The following ABCA8 variants were observed in gnomAD, a reference collection of about 807,000 sequenced individuals.
The protein encoded by ABCA8 is ABC-type organic anion transporter ABCA8.
ABCA8 carries 177 observed loss-of-function variants against 192.3 expected under a neutral mutation model. The ratio of observed to expected loss-of-function variants is 0.92; its 90% CI spans 0.81 to 1.04. The LOEUF (loss-of-function observed/expected upper bound fraction) is 1.04, where lower values mean the gene tolerates loss of function less well. Ranked by LOEUF, ABCA8 falls within the 50% of genes least tolerant of loss-of-function variation. The probability of loss-of-function intolerance (pLI) is 0.00; values close to 1 mark genes in which losing one functional copy is unlikely to be tolerated. For synonymous variants in ABCA8, 642 were observed against 690.2 expected (o/e 0.93, Z 1.09); for missense variants, 1,915 against 1,904.8 (o/e 1.01, Z -0.10).
Position 68,919,236 on chromosome 17 carries a change from C to T in ABCA8, c.1788+65G>A, listed in dbSNP as rs997010684. 26 of 1,383,758 alleles carry T rather than the reference C, an allele frequency of 1.9e-5. No homozygotes were observed. In the African/African-American group the frequency reaches 3.5e-4, roughly 18 times the overall value. 85.7% of individuals were successfully genotyped at this position (1,383,758 alleles called of 1,614,324 possible). A position where few individuals can be genotyped will look rare whatever the true frequency, so the allele number is the denominator to read the frequency against. On this transcript the variant is annotated intron_variant, in intron 14 of 39. Coordinates refer to ENST00000586539, the MANE Select transcript of ABCA8 (RefSeq NM_001288985.2). ...GCGCACAAATAATTTAAAATTAAAA[C>T]TCAGTGCAAATGGTTTTAATAATCT...
chr17:68,940,622 G>A, intron 4 of ABCA8, 136 bp downstream of exon 4: 1 of 746,688 alleles, frequency 1.3e-6, no homozygotes, highest in South Asian at 1.8e-5. Context: ...TCCAATAAAG[G>A]GAAGACACAT....
At chr17:68,902,974 A>G in intron 20 of ABCA8, 95 bp from the exon 21 acceptor site, 2 of 1,115,956 alleles carry the variant, frequency 1.8e-6, no homozygotes, top group Non-Finnish European at 2.5e-6. Context: ...AAGAAATTAT[A>G]AAAATTAAAC....
intron 27 of ABCA8, 139 bp from the exon 28 acceptor site, chr17:68,884,535 G>C: frequency 7.4e-7 from 1 of 1,346,084 alleles, no homozygotes; most frequent in Non-Finnish European, 9.5e-7. Flanking sequence ...AAAGTGTATA[G>C]CAAGGGGCTG....
chr17:68,877,896 A>T, intron 32 of ABCA8: 1 of 440,352 alleles, frequency 2.3e-6, no homozygotes, highest in East Asian at 3.6e-5. Flanking sequence ...CTCAGCTGAA[A>T]AATCCAATAT....
chr17:68,929,904 G>T (rs920422691), intron 7 of ABCA8, among the ~76,000 whole-genome samples: 1 of 146,168 alleles, frequency 6.8e-6, no homozygotes. Context: ...ATATTCTTTG[G>T]GAATTAGGAA....
intron 21 of ABCA8, among the ~76,000 whole-genome samples, chr17:68,898,874 T>A (rs150407286): frequency 9.2e-5 from 14 of 152,232 alleles, no homozygotes; most frequent in Admixed American, 4.6e-4. Flanking sequence ...TTATTACACA[T>A]ATCACATCTA....
At chr17:68,935,222 G>A (rs1391173387) in intron 5 of ABCA8, among the ~76,000 whole-genome samples, 1 of 149,886 alleles carries the variant, frequency 6.7e-6, no homozygotes, top group East Asian at 2.0e-4. Flanking sequence ...AGCCTCCTGA[G>A]TAGCTGGGAC....
chr17:68,887,925 T>TATATATTATATATGGATA, intron 24 of ABCA8, among the ~76,000 whole-genome samples: 3 of 101,024 alleles, frequency 3.0e-5, no homozygotes, highest in East Asian at 3.2e-4. Flanking sequence ...TATATATATA[T>TATATATTATATATGGATA]TATATATGGA....
Position 68,877,689 on chromosome 17 carries a change from A to G in ABCA8, c.4039-10T>C, listed in dbSNP as rs1177879821. On this transcript the variant is annotated splice_polypyrimidine_tract_variant and intron_variant, in intron 32 of 39. Transcript: ENST00000586539. ...TCCCTTTCAGTAGCACCTGCAGATG[A>G]AAGTTCCCTCTCAGAACCTACCTTC... The G allele has an allele frequency of 6.2e-7, 1 of 1,606,940 alleles. No individual in the cohort carries two copies. Among genetic ancestry groups the G allele is most frequent in the South Asian group, 1.1e-5 (1 of 89,952 alleles).
intron 14 of ABCA8, 61 bp downstream of exon 14, chr17:68,919,240 G>C: frequency 7.0e-7 from 1 of 1,421,400 alleles, no homozygotes; most frequent in Non-Finnish European, 9.6e-7. Context: ...TTAAAACTCA[G>C]TGCAAATGGT....
At chr17:68,917,188 G>C (rs1327771537) in intron 17 of ABCA8, among the ~76,000 whole-genome samples, 173 bp downstream of exon 17, 1 of 152,132 alleles carries the variant, frequency 6.6e-6, no homozygotes, top group Admixed American at 6.5e-5. Flanking sequence ...GGAGAATGGA[G>C]TGAACCCAGG....
Position 68,903,506 on chromosome 17 carries a change from A to G in ABCA8, c.2399-7T>C. On this transcript the variant is annotated splice_polypyrimidine_tract_variant and splice_region_variant and intron_variant, in intron 19 of 39. Coordinates refer to ENST00000586539, the MANE Select transcript of ABCA8 (RefSeq NM_001288985.2). ...TCTCCCAAAATAGCAATGTCTGCAA[A>G]ACATAAAATAAGCAACTCATATGTA... 1 of 1,613,882 alleles carries G rather than the reference A, an allele frequency of 6.2e-7. No homozygotes were observed. The highest frequency in any genetic ancestry group is 8.5e-7 in the Non-Finnish European group (1 of 1,179,912).
At chr17:68,941,557 G>T (rs1407737323) in intron 3 of ABCA8, among the ~76,000 whole-genome samples, 1 of 152,110 alleles carries the variant, frequency 6.6e-6, no homozygotes, top group Non-Finnish European at 1.5e-5. Context: ...AAGAGAAAAA[G>T]ATCTCAAAGA....
Position 68,917,399 on chromosome 17 carries a change from C to G in ABCA8, c.2100G>C (p.Leu700Phe). The G allele has an allele frequency of 3.7e-6, 6 of 1,611,676 alleles. No individual in the cohort carries two copies. ...QGKLKCAGSS[L>F]FLKKKWGIGY... The stretch of plus-strand genomic sequence containing the variant: ...CAATCCCCCATTTCTTCTTTAGAAA[C>G]AAAGAAGAGCCCGCGCACTTTAGCT... Residue 700 changes from leucine (L) to phenylalanine (F), a missense_variant, in exon 17 of 40, where the codon TTG (leucine) becomes TTC (phenylalanine). Transcript: ENST00000586539.
intron 2 of ABCA8, among the ~76,000 whole-genome samples, chr17:68,944,359 T>TGC (rs2068331286): frequency 2.9e-5 from 2 of 69,464 alleles, no homozygotes; most frequent in African/African-American, 1.1e-4. Flanking sequence ...TATATATATA[T>TGC]ACACATATAC....
chr17:68,875,298 C>T lies in ABCA8; in HGVS notation c.4593G>A (p.Glu1531=), dbSNP rs1326093618. Residue 1531 remains glutamate (E), a synonymous_variant, in exon 37 of 40, where the codon GAG becomes GAA. Transcript: ENST00000586539. ...NLAQVEPLHA[E]ILRLFPQAAR... ...CAGCCTGGGGGAAAAGCCTCAGGATCTCTGCATGGAGGGGCTCCACTTGTG... is the reference window on the plus strand; with the variant it reads ...CAGCCTGGGGGAAAAGCCTCAGGATTTCTGCATGGAGGGGCTCCACTTGTG... 1 of 1,613,966 alleles carries T rather than the reference C, an allele frequency of 6.2e-7. No homozygotes were observed. Among genetic ancestry groups the T allele is most frequent in the Non-Finnish European group, 8.5e-7 (1 of 1,180,046 alleles).
Position 68,933,237 on chromosome 17 carries a change from A to T in ABCA8, c.501T>A (p.Cys167Ter). 6.2e-7 allele frequency: 1 copy of T among 1,612,878 alleles called. No homozygotes were observed. Among genetic ancestry groups the T allele is most frequent in the Non-Finnish European group, 8.5e-7 (1 of 1,179,314 alleles). The change falls in exon 6 of 40, where the codon TGT becomes TGA. Residue 167 changes from cysteine to a stop codon, truncating the protein, a stop_gained. Coordinates refer to ENST00000586539, the MANE Select transcript of ABCA8 (RefSeq NM_001288985.2). LOFTEE classifies it high-confidence loss of function. ...CTTCCTTCCAAAATACTGAAACTTC[A>T]CAGTAAACATCTTCATTTGTTTCAT... is the stretch of plus-strand genomic sequence containing the variant. ...HCYETNEDVY[C>*]EVSVFWKEGF...
chr17:68,937,236 C>T, intron 4 of ABCA8, 121 bp from the exon 5 acceptor site: 1 of 864,122 alleles, frequency 1.2e-6, no homozygotes, highest in Non-Finnish European at 1.7e-6. Context: ...CAAGTATTAA[C>T]TTTTAGAAAG....
intron 17 of ABCA8, among the ~76,000 whole-genome samples, chr17:68,910,872 A>G (rs1377609650): frequency 6.6e-6 from 1 of 152,114 alleles, no homozygotes; most frequent in Non-Finnish European, 1.5e-5. Flanking sequence ...AAAAAGACCC[A>G]GTTCTGGCAG....
Sources: allele counts gnomAD v4.1 joint callset (sites outside exome capture counted in the v4.1 genomes callset), GRCh38; gene constraint gnomAD v4.1.1; transcripts MANE v1.5; gene names NCBI Gene and HGNC (gene_info 2026-07-23, HGNC 2026-07-21).